EDIL3: variants seen among roughly 807,000 people sequenced by gnomAD.
EDIL3 encodes the protein EGF-like repeat and discoidin I-like domain-containing protein 3.
A neutral mutation model predicts 67.4 loss-of-function variants in EDIL3; 37 were observed. The ratio of observed to expected loss-of-function variants is 0.55; its 90% CI spans 0.42 to 0.72. The LOEUF is 0.72. Among genes scored for constraint, EDIL3 ranks in the 30% least tolerant of loss-of-function variants. The probability of loss-of-function intolerance (pLI) is 0.00; values close to 1 mark genes in which losing one functional copy is unlikely to be tolerated. For missense variants in EDIL3, 527 were observed against 586.3 expected, an observed-to-expected ratio of 0.90 and a Z score of 1.04; for synonymous variants, 195 against 196.3, an observed-to-expected ratio of 0.99 and a Z score of 0.05.
chr5:83,953,859 CAA>C (rs546378813), intron 10 of EDIL3, among the ~76,000 whole-genome samples: 9 of 151,814 alleles, frequency 5.9e-5, no homozygotes, highest in African/African-American at 2.2e-4. Context: ...GTATTTGTCC[CAA>C]GAGTGCTCTA....
chr5:84,042,823 T>G (rs540683074), intron 9 of EDIL3, among the ~76,000 whole-genome samples: 73 of 152,320 alleles, frequency 4.8e-4, no homozygotes, highest in Non-Finnish European at 9.0e-4. Flanking sequence ...TGGGAAAGCC[T>G]ACAAAATGTC....
Position 84,173,983 on chromosome 5 carries a change from C to T in EDIL3, c.355+6410G>A, listed in dbSNP as rs560114371. On this transcript the variant is annotated intron_variant, in intron 4 of 10. Transcript: ENST00000296591. ...CAAAGGTATGGTGCACTCGTCTGTG[C>T]GTGGGGTTGTGAGGGGGTGGTGGTG... Among the ~76,000 whole-genome samples, 6 of 152,176 alleles carry T rather than the reference C, an allele frequency of 3.9e-5. No homozygotes were observed. In the East Asian group the frequency reaches 1.2e-3, roughly 29 times the overall value.
rs751732219 is a variant in EDIL3 at position 84,381,920 on chromosome 5, C to T, written c.67+2388G>A. On this transcript the variant is annotated intron_variant, in intron 1 of 10. Transcript: ENST00000296591. ...GGCATTAATGCAAGTAAATTGCAAC[C>T]CATACGTAGGGAAAACACCAATTTC... Among the ~76,000 whole-genome samples, 4 of 152,058 alleles carry T rather than the reference C, an allele frequency of 2.6e-5. No individual in the cohort carries two copies. The East Asian group carries it at 5.8e-4, about 22-fold the overall frequency.
chr5:84,367,611 G>C (rs1272779963), intron 1 of EDIL3, among the ~76,000 whole-genome samples: 1 of 152,054 alleles, frequency 6.6e-6, no homozygotes, highest in Non-Finnish European at 1.5e-5. Flanking sequence ...GTGAAACCCT[G>C]TTTCTACCAA....
chr5:84,038,006 T>C (rs1056845802), intron 9 of EDIL3, among the ~76,000 whole-genome samples: 1 of 124,896 alleles, frequency 8.0e-6, no homozygotes, highest in African/African-American at 2.8e-5. Context: ...TTTTTTTTTT[T>C]TTTTTGAGAC....
chr5:84,333,879 G>A (rs916067613), intron 1 of EDIL3, among the ~76,000 whole-genome samples: 1 of 151,954 alleles, frequency 6.6e-6, no homozygotes, highest in South Asian at 2.1e-4. Context: ...AGATATGAAG[G>A]GTGTAACATT....
chr5:84,332,057 A>C (rs77006868), intron 1 of EDIL3, among the ~76,000 whole-genome samples: 5,100 of 152,252 alleles, frequency 0.033, 120 homozygotes, highest in Non-Finnish European at 0.051. Flanking sequence ...CTGAAATCTA[A>C]CATCAGACTC....
At chr5:84,365,595 T>C (rs1416050174) in intron 1 of EDIL3, among the ~76,000 whole-genome samples, 1 of 152,246 alleles carries the variant, frequency 6.6e-6, no homozygotes, top group African/African-American at 2.4e-5. Context: ...TTAATTAATA[T>C]TCTGTTACAG....
intron 9 of EDIL3, among the ~76,000 whole-genome samples, chr5:84,003,901 C>G (rs561699131): frequency 1.1e-4 from 16 of 151,386 alleles, no homozygotes; most frequent in African/African-American, 3.9e-4. Flanking sequence ...GGCGAGGACC[C>G]AAATGTACGC....
chr5:84,068,515 T>C (rs1264911743), intron 6 of EDIL3, among the ~76,000 whole-genome samples: 4 of 152,182 alleles, frequency 2.6e-5, no homozygotes, highest in Admixed American at 1.3e-4. Context: ...GTTTGTATTT[T>C]TCTCTAAATC....
At chr5:84,090,436 G>A (rs999877334) in intron 6 of EDIL3, among the ~76,000 whole-genome samples, 1 of 151,972 alleles carries the variant, frequency 6.6e-6, no homozygotes, top group African/African-American at 2.4e-5. Context: ...GTTCCATCAC[G>A]GTAGTGATTT....
intron 5 of EDIL3, among the ~76,000 whole-genome samples, chr5:84,129,230 T>A (rs1375624909): frequency 1.3e-5 from 2 of 152,186 alleles, no homozygotes; most frequent in Admixed American, 1.3e-4. Flanking sequence ...GTTTATTGTT[T>A]CAAAAACTTC....
At chr5:84,173,840 G>A (rs1187064250) in intron 4 of EDIL3, among the ~76,000 whole-genome samples, 2 of 152,170 alleles carry the variant, frequency 1.3e-5, no homozygotes, top group African/African-American at 4.8e-5. Flanking sequence ...AGGGATTGCA[G>A]GGCACTCCTC....
chr5:84,248,585 T>C (rs1744959177), intron 2 of EDIL3, among the ~76,000 whole-genome samples: 2 of 152,228 alleles, frequency 1.3e-5, no homozygotes. Flanking sequence ...TTATGACTTC[T>C]ACATCTATGC....
At chr5:84,313,811 T>C (rs893197080) in intron 1 of EDIL3, among the ~76,000 whole-genome samples, 14 of 152,326 alleles carry the variant, frequency 9.2e-5, no homozygotes, top group Middle Eastern at 6.8e-3. Flanking sequence ...TGCAGTCAAA[T>C]TGTGTATACT....
At chr5:84,231,016 T>C (rs1451488221) in intron 2 of EDIL3, among the ~76,000 whole-genome samples, 4 of 152,168 alleles carry the variant, frequency 2.6e-5, no homozygotes, top group African/African-American at 9.7e-5. Flanking sequence ...CCTGTAAGTA[T>C]ATTAGAATTC....
chr5:84,288,326 C>G (rs533408174), intron 1 of EDIL3, among the ~76,000 whole-genome samples: 3 of 152,252 alleles, frequency 2.0e-5, no homozygotes, highest in African/African-American at 7.2e-5. Context: ...CCTCTTTTGC[C>G]TGGGTGACTG....
At chr5:83,967,545 G>A (rs1241062496) in intron 9 of EDIL3, among the ~76,000 whole-genome samples, 1 of 152,096 alleles carries the variant, frequency 6.6e-6, no homozygotes, top group African/African-American at 2.4e-5. Context: ...AGTATGGCAT[G>A]AGAGTTCTGT....
intron 9 of EDIL3, among the ~76,000 whole-genome samples, chr5:83,981,936 C>CA (rs890369803): frequency 6.6e-6 from 1 of 151,648 alleles, no homozygotes; most frequent in African/African-American, 2.4e-5. Flanking sequence ...ATAAATATGG[C>CA]AAAAAAACAT....
Sources: gnomAD v4.1 joint callset for allele counts (sites outside exome capture counted in the v4.1 genomes callset) on GRCh38, gnomAD v4.1.1 for gene constraint, MANE v1.5 for transcripts, NCBI Gene and HGNC (gene_info 2026-07-23, HGNC 2026-07-21) for gene names.